Variants in CNTNAP2 observed in about 807,000 individuals in gnomAD.
The protein encoded by CNTNAP2 is contactin-associated protein-like 2.
CNTNAP2 carries 98 observed loss-of-function variants against 155.2 expected under a neutral mutation model. That is an observed-to-expected ratio of 0.63 (90% CI 0.54 to 0.75). The LOEUF (loss-of-function observed/expected upper bound fraction) is 0.75. Among genes scored for constraint, CNTNAP2 ranks in the 30% least tolerant of loss-of-function variants. The pLI, the probability that CNTNAP2 is intolerant of heterozygous loss-of-function variation, is 0.00. For missense variants in CNTNAP2, 1,727 were observed against 1,688.1 expected (o/e 1.02, Z -0.40); for synonymous variants, 651 against 631.2 (o/e 1.03, Z -0.47).
chr7:147,768,240 T>C (rs1407707937), intron 13 of CNTNAP2, among the ~76,000 whole-genome samples: 1 of 152,106 alleles, frequency 6.6e-6, no homozygotes, highest in Non-Finnish European at 1.5e-5. Context: ...CTATAGAGGC[T>C]AAAGGGGTTA....
chr7:147,205,662 T>G (rs1237398476), intron 8 of CNTNAP2, among the ~76,000 whole-genome samples: 1 of 151,408 alleles, frequency 6.6e-6, no homozygotes, highest in South Asian at 2.1e-4. Context: ...CTCACTCTTA[T>G]GTGGGAGCTA....
chr7:146,630,006 A>G (rs1462583863), intron 1 of CNTNAP2, among the ~76,000 whole-genome samples: 1 of 151,374 alleles, frequency 6.6e-6, no homozygotes, highest in African/African-American at 2.4e-5. Flanking sequence ...TTTTTTTTTA[A>G]GTTCTGGGGT....
At chr7:148,028,164 A>G (rs1802406775) in intron 15 of CNTNAP2, among the ~76,000 whole-genome samples, 1 of 152,202 alleles carries the variant, frequency 6.6e-6, no homozygotes, top group Non-Finnish European at 1.5e-5. Flanking sequence ...TCGGTGTCAT[A>G]AGGTTACTTT....
At chr7:147,118,176 G>T (rs1349688231) in intron 5 of CNTNAP2, among the ~76,000 whole-genome samples, 1 of 152,062 alleles carries the variant, frequency 6.6e-6, no homozygotes, top group Non-Finnish European at 1.5e-5. Flanking sequence ...TTCAGTGTTG[G>T]TATTTGACAA....
chr7:148,369,640 T>TATC (rs1363795528), intron 21 of CNTNAP2, among the ~76,000 whole-genome samples: 9 of 132,294 alleles, frequency 6.8e-5, no homozygotes, highest in South Asian at 4.6e-4. Context: ...TGCTGTTCTT[T>TATC]ATCATTATTA....
chr7:147,341,711 A>C (rs1795766420), intron 9 of CNTNAP2, among the ~76,000 whole-genome samples: 1 of 150,638 alleles, frequency 6.6e-6, no homozygotes, highest in South Asian at 2.1e-4. Context: ...TTAATATACA[A>C]CTCCTACCCC....
intron 2 of CNTNAP2, among the ~76,000 whole-genome samples, chr7:146,823,993 C>A (rs1328241914): frequency 6.6e-6 from 1 of 151,658 alleles, no homozygotes; most frequent in African/African-American, 2.4e-5. Context: ...GGGTTTTAAG[C>A]CCCACATGCA....
chr7:147,830,097 C>T (rs560118879), intron 13 of CNTNAP2, among the ~76,000 whole-genome samples: 107 of 151,450 alleles, frequency 7.1e-4, no homozygotes, highest in African/African-American at 2.4e-3. Flanking sequence ...GCATTCAATA[C>T]ATATGTGAAT....
chr7:148,301,292 T>TAAAAAA (rs1191956788), intron 21 of CNTNAP2, among the ~76,000 whole-genome samples: 3 of 118,748 alleles, frequency 2.5e-5, no homozygotes, highest in African/African-American at 1.0e-4. Context: ...AGACTCCGTC[T>TAAAAAA]AAAAAAAAAA....
chr7:146,834,867 G>A (rs957082125), intron 2 of CNTNAP2, among the ~76,000 whole-genome samples: 5 of 151,898 alleles, frequency 3.3e-5, no homozygotes, highest in South Asian at 2.1e-4. Flanking sequence ...ATTAATCCTC[G>A]GATCAATAGA....
At chr7:148,180,656 ACC>A (rs1416091401) in intron 18 of CNTNAP2, among the ~76,000 whole-genome samples, 1 of 152,214 alleles carries the variant, frequency 6.6e-6, no homozygotes, top group African/African-American at 2.4e-5. Flanking sequence ...GGGCCTATAT[ACC>A]ATAGAGAAAG....
chr7:146,644,419 G>T (rs1011932706), intron 1 of CNTNAP2, among the ~76,000 whole-genome samples: 4 of 152,078 alleles, frequency 2.6e-5, no homozygotes, highest in South Asian at 4.2e-4. Flanking sequence ...TAATCATGTG[G>T]TTTTTGTCTT....
chr7:147,772,441 T>A (rs1326586222), intron 13 of CNTNAP2, among the ~76,000 whole-genome samples: 1 of 91,586 alleles, frequency 1.1e-5, no homozygotes. Flanking sequence ...TTATTCTCTC[T>A]CTCGCTATAT....
At chr7:147,258,930 T>C (rs190190425) in intron 8 of CNTNAP2, among the ~76,000 whole-genome samples, 2 of 152,348 alleles carry the variant, frequency 1.3e-5, no homozygotes, top group African/African-American at 4.8e-5. Flanking sequence ...CATATGTTTC[T>C]TTATCAAATT....
intron 2 of CNTNAP2, among the ~76,000 whole-genome samples, chr7:146,809,702 T>C (rs527412654): frequency 1.1e-4 from 16 of 152,288 alleles, no homozygotes; most frequent in Middle Eastern, 6.8e-3. Context: ...AAAATGTGTC[T>C]TCACTTTTTA....
intron 13 of CNTNAP2, among the ~76,000 whole-genome samples, chr7:147,665,821 A>G (rs943487676): frequency 2.6e-5 from 4 of 152,222 alleles, no homozygotes; most frequent in Admixed American, 6.5e-5. Flanking sequence ...GTACGGCTGC[A>G]TAGTATTCCA....
intron 1 of CNTNAP2, among the ~76,000 whole-genome samples, chr7:146,522,502 GA>G (rs1407573781): frequency 6.6e-6 from 1 of 151,922 alleles, no homozygotes; most frequent in Non-Finnish European, 1.5e-5. Flanking sequence ...AATGTTCTTT[GA>G]AAGCACTCTT....
intron 1 of CNTNAP2, among the ~76,000 whole-genome samples, chr7:146,164,259 A>G (rs1414166936): frequency 7.3e-6 from 1 of 137,904 alleles, no homozygotes; most frequent in African/African-American, 3.0e-5. Flanking sequence ...TTCATTAAAC[A>G]CACACTAAAA....
intron 1 of CNTNAP2, among the ~76,000 whole-genome samples, chr7:146,587,478 G>A (rs993024057): frequency 2.6e-5 from 4 of 151,990 alleles, no homozygotes; most frequent in African/African-American, 9.7e-5. Flanking sequence ...AGCTGTGTAT[G>A]ATTCCAAACA....
Sources: gnomAD v4.1 joint callset for allele counts (sites outside exome capture counted in the v4.1 genomes callset) on GRCh38, gnomAD v4.1.1 for gene constraint, MANE v1.5 for transcripts, NCBI Gene and HGNC (gene_info 2026-07-23, HGNC 2026-07-21) for gene names.